Variants in PDCD1LG2 observed in about 807,000 individuals in gnomAD.
PDCD1LG2 encodes programmed cell death 1 ligand 2.
PDCD1LG2 carries 32 observed loss-of-function variants against 28.2 expected under a neutral mutation model. The ratio of observed to expected loss-of-function variants is 1.13; its 90% confidence interval spans 0.86 to 1.52. The LOEUF is 1.52. Among genes scored for constraint, PDCD1LG2 ranks in the 40% most tolerant of loss-of-function variants. The pLI, the probability that PDCD1LG2 is intolerant of heterozygous loss-of-function variation, is 0.00. For synonymous variants in PDCD1LG2, 116 were observed against 120.2 expected (o/e 0.97, Z 0.23); for missense variants, 385 against 323.8 (o/e 1.19, Z -1.45).
intron 3 of PDCD1LG2, among the ~76,000 whole-genome samples, chr9:5,541,439 C>G (rs1232671852): frequency 6.6e-6 from 1 of 152,134 alleles, no homozygotes; most frequent in Non-Finnish European, 1.5e-5. Flanking sequence ...ATGATATGAT[C>G]ATATACCTAG....
At chr9:5,542,154 C>T (rs897738807) in intron 3 of PDCD1LG2, among the ~76,000 whole-genome samples, 2 of 152,066 alleles carry the variant, frequency 1.3e-5, no homozygotes, top group Admixed American at 6.5e-5. Flanking sequence ...ACTGGATCCT[C>T]ATATCTTACC....
At position 5,565,413 on chromosome 9, in the gene PDCD1LG2, G is replaced by A. The variant is rs113374960; in HGVS notation, c.816+2202G>A. Among the ~76,000 whole-genome samples the A allele has an allele frequency of 3.9e-3, 593 of 152,196 alleles. 3 individuals are homozygous for A. Among genetic ancestry groups the A allele is most frequent in the African/African-American group, 0.013 (559 of 41,540 alleles). The stretch of plus-strand genomic sequence containing the variant: ...TGCCCAGGATGGTCTCAAACTCCTC[G>A]GCTCAAGCAATCCTCCTGCCTTGGC... On this transcript the variant is annotated intron_variant, in intron 6 of 6. Transcript: ENST00000397747.
At position 5,570,843 on chromosome 9, in the gene PDCD1LG2, T is replaced by A. The variant is rs900353055; in HGVS notation, c.*884T>A. The A allele has an allele frequency of 9.9e-5, 23 of 232,784 alleles. 1 individual carries two copies. The Admixed American group carries it at 1.1e-3, about 11-fold the overall frequency. The allele number at this position is 232,784 out of a possible 1,614,324, so 14.4% of individuals were successfully genotyped here. On this transcript the variant is annotated 3_prime_UTR_variant, in exon 7 of 7. Coordinates refer to ENST00000397747, the MANE Select transcript of PDCD1LG2 (RefSeq NM_025239.4). ...CTGGCCCTCAATATGACTTTAAATTTGACTTTTCAGTGCCTCAGTTTGCAC... is the reference window on the plus strand; with the variant it reads ...CTGGCCCTCAATATGACTTTAAATTAGACTTTTCAGTGCCTCAGTTTGCAC...
At chr9:5,511,332 G>T (rs889769184) in intron 1 of PDCD1LG2, among the ~76,000 whole-genome samples, 2 of 152,146 alleles carry the variant, frequency 1.3e-5, no homozygotes, top group African/African-American at 4.8e-5. Context: ...ATGATTTGGG[G>T]ACTATGGAAA....
At chr9:5,517,141 A>G (rs2129697886) in intron 1 of PDCD1LG2, among the ~76,000 whole-genome samples, 2 of 152,326 alleles carry the variant, frequency 1.3e-5, no homozygotes, top group East Asian at 3.9e-4. Context: ...AATGGTAATG[A>G]CTGCTTTGGG....
chr9:5,541,076 T>C (rs1000804304), intron 3 of PDCD1LG2, among the ~76,000 whole-genome samples: 42 of 152,194 alleles, frequency 2.8e-4, no homozygotes, highest in African/African-American at 8.7e-4. Context: ...AGTTAATAAA[T>C]GTGATACACC....
chr9:5,522,418 T>G (rs1333123589), intron 1 of PDCD1LG2, 115 bp from the exon 2 acceptor site: 3 of 733,016 alleles, frequency 4.1e-6, no homozygotes, highest in Non-Finnish European at 7.0e-6. Context: ...CACTCTACCA[T>G]GGTCTGTCAC....
At chr9:5,525,790 T>C (rs1586796629) in intron 2 of PDCD1LG2, among the ~76,000 whole-genome samples, 1 of 152,108 alleles carries the variant, frequency 6.6e-6, no homozygotes, top group Admixed American at 6.5e-5. Context: ...GGCTCACGCC[T>C]GTAATCCCAG....
intron 1 of PDCD1LG2, among the ~76,000 whole-genome samples, chr9:5,513,852 G>A (rs1056653825): frequency 6.6e-6 from 1 of 152,106 alleles, no homozygotes. Context: ...TAGGACCTGG[G>A]GCAAACTCTG....
chr9:5,535,729 A>T (rs905776077), intron 3 of PDCD1LG2, among the ~76,000 whole-genome samples: 13 of 152,086 alleles, frequency 8.5e-5, no homozygotes, highest in African/African-American at 3.1e-4. Flanking sequence ...AGTAGCTGAG[A>T]TCCAGAGAAG....
intron 6 of PDCD1LG2, among the ~76,000 whole-genome samples, chr9:5,564,832 GTTA>G (rs1344905097): frequency 3.3e-5 from 5 of 152,190 alleles, no homozygotes; most frequent in Non-Finnish European, 7.3e-5. Context: ...GCTCATGTTG[GTTA>G]TTTTTTTGGA....
chr9:5,522,748 A>T, intron 2 of PDCD1LG2, 147 bp downstream of exon 2: 2 of 654,238 alleles, frequency 3.1e-6, no homozygotes, highest in South Asian at 2.0e-5. Flanking sequence ...CCACAAAAAA[A>T]AAAAGAGTCC....
intron 4 of PDCD1LG2, among the ~76,000 whole-genome samples, chr9:5,550,354 C>T (rs1159988401): frequency 6.6e-6 from 1 of 152,204 alleles, no homozygotes; most frequent in Non-Finnish European, 1.5e-5. Context: ...GGACAACTAA[C>T]ACCTAGTATC....
chr9:5,529,328 A>C (rs1184226111), intron 2 of PDCD1LG2, among the ~76,000 whole-genome samples: 3 of 152,168 alleles, frequency 2.0e-5, no homozygotes, highest in Non-Finnish European at 4.4e-5. Context: ...TTTTTATATA[A>C]GGTGTGATGT....
chr9:5,568,963 A>G (rs1816719134), intron 6 of PDCD1LG2, among the ~76,000 whole-genome samples: 1 of 152,220 alleles, frequency 6.6e-6, no homozygotes, highest in African/African-American at 2.4e-5. Context: ...CTTTTGAATC[A>G]GGAAGAAATG....
Position 5,549,392 on chromosome 9 carries a change from A to T in PDCD1LG2, c.419A>T (p.Glu140Val), listed in dbSNP as rs751536135. ...ILKVPETDEV[E>V]LTCQATGYPL... Reference sequence around the variant, plus strand: ...AAGGTTCCAGAAACAGATGAGGTAGAGCTCACCTGCCAGGCTACAGGTTAT... The same window carrying T: ...AAGGTTCCAGAAACAGATGAGGTAGTGCTCACCTGCCAGGCTACAGGTTAT... Residue 140 changes from glutamate (E) to valine (V), a missense_variant, in exon 4 of 7, where the codon GAG (glutamate) becomes GTG (valine). Glu to Val is a moderately radical substitution (Grantham distance 121, BLOSUM62 -2). Coordinates refer to ENST00000397747, the MANE Select transcript of PDCD1LG2 (RefSeq NM_025239.4). The T allele has an allele frequency of 6.2e-7, 1 of 1,614,188 alleles. No individual in the cohort carries two copies. Among genetic ancestry groups the T allele is most frequent in the South Asian group, 1.1e-5 (1 of 91,086 alleles).
At chr9:5,517,864 A>G (rs929556207) in intron 1 of PDCD1LG2, among the ~76,000 whole-genome samples, 10 of 152,222 alleles carry the variant, frequency 6.6e-5, no homozygotes, top group African/African-American at 1.9e-4. Flanking sequence ...CTTCACCTCA[A>G]TAAGTGGAGG....
intron 2 of PDCD1LG2, among the ~76,000 whole-genome samples, chr9:5,525,163 C>A (rs1820348102): frequency 6.6e-6 from 1 of 152,114 alleles, no homozygotes; most frequent in Non-Finnish European, 1.5e-5. Context: ...GCCTGGCCAA[C>A]ATGGTGAAAC....
At position 5,534,977 on chromosome 9, in the gene PDCD1LG2, C is replaced by A. The variant is rs149087995; in HGVS notation, c.288C>A (p.Asp96Glu). 1.9e-6 allele frequency: 3 copies of A among 1,614,016 alleles called. No individual in the cohort carries two copies. Among genetic ancestry groups the A allele is most frequent in the Non-Finnish European group, 2.5e-6 (3 of 1,179,968 alleles). The change falls in exon 3 of 7, where the codon GAC (aspartate) becomes GAA (glutamate). Residue 96 changes from aspartate (D) to glutamate (E), a missense_variant. Coordinates refer to ENST00000397747, the MANE Select transcript of PDCD1LG2 (RefSeq NM_025239.4). Reference protein sequence around the residue: ...SFHIPQVQVRDEGQYQCIIIY... With the variant: ...SFHIPQVQVREEGQYQCIIIY... The stretch of plus-strand genomic sequence containing the variant: ...ACATACCTCAAGTCCAAGTGAGGGA[C>A]GAAGGACAGTACCAATGCATAATCA...
Sources: allele counts gnomAD v4.1 joint callset (sites outside exome capture counted in the v4.1 genomes callset), GRCh38; gene constraint gnomAD v4.1.1; transcripts MANE v1.5; gene names NCBI Gene and HGNC (gene_info 2026-07-23, HGNC 2026-07-21).